ZNF253: variants seen among roughly 807,000 people sequenced by gnomAD.
ZNF253 encodes the protein zinc finger protein 253, also known as DNA-binding protein.
Under a neutral mutation model 11.9 loss-of-function variants are expected in ZNF253, and 8 were observed. The ratio of observed to expected loss-of-function variants is 0.67; its 90% CI spans 0.40 to 1.22. ZNF253 has a LOEUF of 1.22. ZNF253 is among the 50% of genes most tolerant of loss of function. The pLI is 0.01. For synonymous variants in ZNF253, 194 were observed against 194.9 expected (o/e 1.00, Z 0.04); for missense variants, 485 against 586.9 (o/e 0.83, Z 1.79).
rs2063171169 is a variant in ZNF253 at position 19,880,103 on chromosome 19, A to C, written c.183A>C (p.Lys61Asn). The change falls in exon 3 of 4, where the codon AAA becomes AAC. Residue 61 changes from lysine to asparagine, a missense_variant. Coordinates refer to ENST00000589717, the MANE Select transcript of ZNF253 (RefSeq NM_021047.3). ...TTACCTGTCTGGAGCAAGGAAAAAAACCTTTAACTATGGAAAGACATGAGA... is the reference window on the plus strand; with the variant it reads ...TTACCTGTCTGGAGCAAGGAAAAAACCCTTTAACTATGGAAAGACATGAGA... ...DLVTCLEQGK[K>N]PLTMERHEMI... 1 of 1,609,540 alleles carries C rather than the reference A, an allele frequency of 6.2e-7. No homozygotes were observed.
intron 1 of ZNF253, among the ~76,000 whole-genome samples, chr19:19,872,276 A>C (rs977789474): frequency 5.3e-5 from 8 of 152,104 alleles, no homozygotes; most frequent in African/African-American, 1.9e-4. Flanking sequence ...ACAAATGTGC[A>C]GGTAACACCT....
chr19:19,887,288 T>TTTTA (rs967924763), intron 3 of ZNF253, among the ~76,000 whole-genome samples: 1 of 151,714 alleles, frequency 6.6e-6, no homozygotes, highest in Non-Finnish European at 1.5e-5. Flanking sequence ...TTATATATAA[T>TTTTA]TTTATTTATT....
chr19:19,883,398 G>T (rs1034221838), intron 3 of ZNF253, among the ~76,000 whole-genome samples: 1 of 152,094 alleles, frequency 6.6e-6, no homozygotes, highest in Non-Finnish European at 1.5e-5. Flanking sequence ...GATCCCTGGA[G>T]CCTAAAAGTT....
rs368520445 is a variant in ZNF253, at chr19:19,892,044, A to C, written c.797A>C (p.Asn266Thr). 1 of 1,613,656 alleles carries C rather than the reference A, an allele frequency of 6.2e-7. No individual in the cohort carries two copies. ...TGTGAAGAATGTGGCAAAGCCTTCA[A>C]CCGATCCACAGACCTTACTACACAT... ...YKCEECGKAF[N>T]RSTDLTTHKI... The change falls in exon 4 of 4, where the codon AAC becomes ACC. Residue 266 changes from asparagine (N) to threonine (T), a missense_variant. This residue lies in a region of ZNF253 where 232 missense variants were observed against 321.4 expected (regional missense o/e 0.72). Coordinates refer to ENST00000589717, the MANE Select transcript of ZNF253 (RefSeq NM_021047.3).
intron 3 of ZNF253, among the ~76,000 whole-genome samples, chr19:19,887,359 C>T (rs557483009): frequency 3.3e-5 from 5 of 152,012 alleles, no homozygotes; most frequent in South Asian, 4.2e-4. Flanking sequence ...TGCTATGGTG[C>T]GATCTCAGCT....
intron 3 of ZNF253, among the ~76,000 whole-genome samples, chr19:19,887,033 T>A (rs755246458): frequency 5.9e-5 from 9 of 152,060 alleles, no homozygotes; most frequent in Non-Finnish European, 1.3e-4. Context: ...GATTATAGAT[T>A]CCTGCTAAAT....
intron 3 of ZNF253, among the ~76,000 whole-genome samples, chr19:19,880,634 G>A (rs1032236440): frequency 2.1e-4 from 32 of 152,034 alleles, no homozygotes; most frequent in Middle Eastern, 3.4e-3. Context: ...GAACCTAGGA[G>A]GTGGAGGTTG....
At chr19:19,890,240 A>G (rs991513866) in intron 3 of ZNF253, among the ~76,000 whole-genome samples, 6 of 152,262 alleles carry the variant, frequency 3.9e-5, no homozygotes, top group African/African-American at 1.2e-4. Context: ...CGGCTTATTC[A>G]TATTTCTTCC....
chr19:19,873,796 C>T lies in ZNF253; in HGVS notation c.4-4685C>T, dbSNP rs995251577. Among the ~76,000 whole-genome samples, 56 of 152,084 alleles carry T rather than the reference C, an allele frequency of 3.7e-4. 1 individual carries two copies. The highest frequency in any genetic ancestry group is 1.8e-3 in the Admixed American group (28 of 15,278). ...TGAATTATGTGTCATATGGTTGGTG[C>T]AATAAATAGATGTGTCCAAAATCTT... On this transcript the variant is annotated intron_variant, in intron 1 of 3. Coordinates refer to ENST00000589717, the MANE Select transcript of ZNF253 (RefSeq NM_021047.3).
chr19:19,868,063 CTTGT>C (rs754138224), intron 1 of ZNF253, among the ~76,000 whole-genome samples: 3 of 149,008 alleles, frequency 2.0e-5, no homozygotes, highest in Non-Finnish European at 4.4e-5. Flanking sequence ...TTCTTGTAAA[CTTGT>C]TTAAGTTCTT....
rs1421067764 is a variant in ZNF253, at chr19:19,886,928, A to G, written c.227-4546A>G. Among the ~76,000 whole-genome samples, 3 of 152,176 alleles carry G rather than the reference A, an allele frequency of 2.0e-5. No homozygotes were observed. The East Asian group carries it at 5.8e-4, about 29-fold the overall frequency. ...TGATGTCTACAATTATTATGTTGCC[A>G]TGTATGTCTTGCTTCACTTTTGTCA... is the stretch of plus-strand genomic sequence containing the variant. On this transcript the variant is annotated intron_variant, in intron 3 of 3. Transcript: ENST00000589717.
intron 3 of ZNF253, among the ~76,000 whole-genome samples, chr19:19,885,452 G>A (rs1038572362): frequency 3.3e-5 from 5 of 149,824 alleles, no homozygotes; most frequent in Admixed American, 6.7e-5. Context: ...GTTCAGTAGC[G>A]CAATCTCAGC....
At position 19,890,498 on chromosome 19, in the gene ZNF253, T is replaced by TTGTGTGTGTG. The variant is rs35114806; in HGVS notation, c.227-941_227-932dup. ...GAAACCAGGAGTTGGCAATTTATAT[T>TTGTGTGTGTG]TGTGTGTGTGTGTGTGTGTGTGTGT... On this transcript the variant is annotated intron_variant, in intron 3 of 3. Coordinates refer to ENST00000589717, the MANE Select transcript of ZNF253 (RefSeq NM_021047.3). Among the ~76,000 whole-genome samples the TTGTGTGTGTG allele has an allele frequency of 5.1e-3, 719 of 141,026 alleles. 7 individuals are homozygous for TTGTGTGTGTG. The highest frequency in any genetic ancestry group is 0.025 in the East Asian group (118 of 4,710). 92.5% of individuals were successfully genotyped at this position (141,026 alleles called of 152,430 possible).
chr19:19,874,803 TTGG>T (rs1568495103), intron 1 of ZNF253, among the ~76,000 whole-genome samples: 1 of 151,728 alleles, frequency 6.6e-6, no homozygotes, highest in African/African-American at 2.4e-5. Flanking sequence ...TCCCAGCTAC[TTGG>T]GAGGCTGAGG....
In ZNF253 at chr19:19,876,129, G is replaced by A. The variant is rs961950984; in HGVS notation, c.4-2352G>A. On this transcript the variant is annotated intron_variant, in intron 1 of 3. Coordinates refer to ENST00000589717, the MANE Select transcript of ZNF253 (RefSeq NM_021047.3). ...TGTGACAAGAGTGCTGAGTGTAAGC[G>A]ACCCTGTGCTGTGCCTGCTTCTCTA... Among the ~76,000 whole-genome samples the A allele has an allele frequency of 9.2e-5, 14 of 152,266 alleles. No individual in the cohort carries two copies. In the East Asian group the frequency reaches 2.7e-3, roughly 29 times the overall value.
chr19:19,892,387 C>T lies in ZNF253; in HGVS notation c.1140C>T (p.Ser380=), dbSNP rs776528741. The change falls in exon 4 of 4, where the codon TCC becomes TCT. Residue 380 remains serine, a synonymous_variant. Transcript: ENST00000589717. ...CRECGKAFNH[S]TTLFSHEKIH... ...AATGTGGCAAAGCTTTTAACCATTC[C>T]ACAACCCTTTTTTCACATGAGAAAA... 2.5e-6 allele frequency: 4 copies of T among 1,613,820 alleles called. No homozygotes were observed. Among genetic ancestry groups the T allele is most frequent in the East Asian group, 4.5e-5 (2 of 44,864 alleles).
Position 19,891,529 on chromosome 19 carries a change from C to T in ZNF253, c.282C>T (p.Phe94=), listed in dbSNP as rs1280286727. The T allele has an allele frequency of 6.2e-7, 1 of 1,612,526 alleles. No individual in the cohort carries two copies. The highest frequency in any genetic ancestry group is 2.2e-5 in the East Asian group (1 of 44,834). ...DLWPENIQNS[F]QIGMLRRYEE... is the part of the protein sequence containing the mutation. ...GGCCAGAGAACATACAAAATTCTTTCCAAATAGGGATGCTGAGAAGATATG... is the reference window on the plus strand; with the variant it reads ...GGCCAGAGAACATACAAAATTCTTTTCAAATAGGGATGCTGAGAAGATATG... The change falls in exon 4 of 4, where the codon TTC becomes TTT. Residue 94 remains phenylalanine (F), a synonymous_variant. Transcript: ENST00000589717.
At position 19,892,300 on chromosome 19, in the gene ZNF253, A is replaced by G. The variant is rs8106559; in HGVS notation, c.1053A>G (p.Leu351=). The change falls in exon 4 of 4, where the codon CTA becomes CTG. Residue 351 remains leucine, a synonymous_variant. Coordinates refer to ENST00000589717, the MANE Select transcript of ZNF253 (RefSeq NM_021047.3). The part of the protein sequence containing the change: ...KCEECGKAFH[L]SSHLTTHKIL... ...AAGAATGTGGCAAAGCCTTTCACCT[A>G]TCCTCACACCTTACTACACATAAGA... The G allele has an allele frequency of 0.28, 456,397 of 1,613,090 alleles. 74,256 individuals carry two copies. The highest frequency in any genetic ancestry group is 0.66 in the East Asian group (29,677 of 44,802).
chr19:19,878,727 C>T, intron 2 of ZNF253, 120 bp downstream of exon 2: 1 of 1,044,568 alleles, frequency 9.6e-7, no homozygotes. Context: ...GCATAAGCCA[C>T]TGCGCCTGGC....
Sources: allele counts gnomAD v4.1 joint callset (sites outside exome capture counted in the v4.1 genomes callset), GRCh38; gene constraint gnomAD v4.1.1; regional missense constraint gnomAD v4.1.1; transcripts MANE v1.5; gene names NCBI Gene and HGNC (gene_info 2026-07-23, HGNC 2026-07-21).